The following OSBPL1A variants were observed in gnomAD, a reference collection of about 807,000 sequenced individuals.
The protein encoded by OSBPL1A is oxysterol binding protein like 1A, also known as oxysterol-binding protein-related protein 1.
A neutral mutation model predicts 137.1 loss-of-function variants in OSBPL1A; 80 were observed. The observed-to-expected ratio is 0.58, with a 90% CI of 0.49 to 0.70. The LOEUF (loss-of-function observed/expected upper bound fraction) is 0.70. Among genes scored for constraint, OSBPL1A ranks in the 30% least tolerant of loss-of-function variants. The pLI, the probability that OSBPL1A is intolerant of heterozygous loss-of-function variation, is 0.00. For synonymous variants in OSBPL1A, 365 were observed against 389.7 expected (o/e 0.94, Z 0.75); for missense variants, 970 against 1,129.4 (o/e 0.86, Z 2.02).
rs756427491 is a variant in OSBPL1A, at chr18:24,240,778, C to T, written c.1282-1396G>A. On this transcript the variant is annotated intron_variant, in intron 15 of 27. Coordinates refer to ENST00000319481, the MANE Select transcript of OSBPL1A (RefSeq NM_080597.4). ...TCCCAACATATAAAATAGATGTTTTCGAAAGCAGTTGTGCACTGGGTGACA... is the reference window on the plus strand; with the variant it reads ...TCCCAACATATAAAATAGATGTTTTTGAAAGCAGTTGTGCACTGGGTGACA... Among the ~76,000 whole-genome samples, 7 of 152,244 alleles carry T rather than the reference C, an allele frequency of 4.6e-5. 1 individual carries two copies. Among genetic ancestry groups the T allele is most frequent in the East Asian group, 1.9e-4 (1 of 5,186 alleles).
chr18:24,168,265 C>T (rs986280049), intron 24 of OSBPL1A, among the ~76,000 whole-genome samples: 2 of 152,102 alleles, frequency 1.3e-5, no homozygotes, highest in Admixed American at 1.3e-4. Flanking sequence ...CTACTGGAGG[C>T]CCAGCAACTG....
intron 4 of OSBPL1A, among the ~76,000 whole-genome samples, chr18:24,343,750 A>G (rs773800939): frequency 6.6e-6 from 1 of 152,232 alleles, no homozygotes; most frequent in South Asian, 2.1e-4. Context: ...TGGTATGGGG[A>G]AAACTGAATA....
chr18:24,216,326 T>C (rs1343211909), intron 17 of OSBPL1A, among the ~76,000 whole-genome samples: 1 of 152,146 alleles, frequency 6.6e-6, no homozygotes, highest in Non-Finnish European at 1.5e-5. Flanking sequence ...GGCAACACAG[T>C]GAAACCCTGT....
intron 5 of OSBPL1A, among the ~76,000 whole-genome samples, chr18:24,339,010 C>T (rs1360297411): frequency 6.6e-6 from 1 of 152,068 alleles, no homozygotes; most frequent in Non-Finnish European, 1.5e-5. Flanking sequence ...CTGCACCTGG[C>T]CCTCCCAGGC....
chr18:24,385,115 C>T (rs577997362), intron 1 of OSBPL1A, among the ~76,000 whole-genome samples: 30 of 151,896 alleles, frequency 2.0e-4, no homozygotes, highest in African/African-American at 5.8e-4. Flanking sequence ...CCACCACACC[C>T]GGCTAATTTT....
At chr18:24,309,412 G>A (rs1311657333) in intron 13 of OSBPL1A, among the ~76,000 whole-genome samples, 2 of 152,060 alleles carry the variant, frequency 1.3e-5, no homozygotes, top group East Asian at 3.9e-4. Flanking sequence ...TCAAACCCTT[G>A]GGCACAAGTG....
chr18:24,217,610 T>C (rs568026214), intron 17 of OSBPL1A, among the ~76,000 whole-genome samples: 47 of 152,234 alleles, frequency 3.1e-4, no homozygotes, highest in African/African-American at 1.1e-3. Flanking sequence ...AGTGACAGAA[T>C]TGAAAGACTA....
chr18:24,219,929 C>T (rs569099206), intron 17 of OSBPL1A, among the ~76,000 whole-genome samples: 30 of 152,306 alleles, frequency 2.0e-4, no homozygotes, highest in African/African-American at 6.5e-4. Context: ...CTTGTTAGTC[C>T]TGGATGAGGT....
At chr18:24,284,533 A>C (rs1488799054) in intron 14 of OSBPL1A, among the ~76,000 whole-genome samples, 1 of 152,146 alleles carries the variant, frequency 6.6e-6, no homozygotes, top group African/African-American at 2.4e-5. Flanking sequence ...AACAATTTTT[A>C]ATTGGGTAAG....
intron 15 of OSBPL1A, among the ~76,000 whole-genome samples, chr18:24,274,834 G>A (rs1164736766): frequency 4.0e-5 from 6 of 151,808 alleles, no homozygotes; most frequent in South Asian, 2.1e-4. Context: ...GCTTGAACCC[G>A]GGAGGCTGAG....
At chr18:24,261,858 T>TAA (rs1454535743) in intron 15 of OSBPL1A, among the ~76,000 whole-genome samples, 1 of 151,956 alleles carries the variant, frequency 6.6e-6, no homozygotes, top group Non-Finnish European at 1.5e-5. Context: ...TCTCAAAAAA[T>TAA]AAAAAATTTT....
At chr18:24,353,149 G>A (rs150531943) in intron 4 of OSBPL1A, among the ~76,000 whole-genome samples, 18,056 of 152,090 alleles carry the variant, frequency 0.12, 1,365 homozygotes, top group African/African-American at 0.22. Context: ...AATGGGAGAA[G>A]ATTTTTGCAA....
chr18:24,390,189 CAG>C (rs1907224394), intron 1 of OSBPL1A, among the ~76,000 whole-genome samples: 1 of 152,126 alleles, frequency 6.6e-6, no homozygotes, highest in Non-Finnish European at 1.5e-5. Flanking sequence ...CTTAAAACAT[CAG>C]AGAAGTATGG....
intron 17 of OSBPL1A, among the ~76,000 whole-genome samples, chr18:24,209,682 CAG>C: frequency 6.6e-6 from 1 of 152,272 alleles, no homozygotes; most frequent in South Asian, 2.1e-4. Context: ...TTCAAACTAA[CAG>C]AGCATTCACC....
At chr18:24,194,271 T>A (rs886729797) in intron 18 of OSBPL1A, among the ~76,000 whole-genome samples, 1 of 152,232 alleles carries the variant, frequency 6.6e-6, no homozygotes, top group African/African-American at 2.4e-5. Context: ...GTTTTTCAAA[T>A]GGTGGGTCTG....
chr18:24,358,092 G>A (rs140884284), intron 4 of OSBPL1A: 158 of 250,322 alleles, frequency 6.3e-4, no homozygotes, highest in African/African-American at 3.4e-3. Flanking sequence ...CATTGGGGAT[G>A]TACGTGGAAG....
At chr18:24,311,830 G>A (rs1164093660) in intron 13 of OSBPL1A, among the ~76,000 whole-genome samples, 154 bp downstream of exon 13, 2 of 152,204 alleles carry the variant, frequency 1.3e-5, no homozygotes, top group African/African-American at 4.8e-5. Context: ...AGAGACATAA[G>A]CTACCAACAC....
At chr18:24,312,638 C>G (rs776487165) in intron 12 of OSBPL1A, among the ~76,000 whole-genome samples, 4 of 152,114 alleles carry the variant, frequency 2.6e-5, no homozygotes, top group Non-Finnish European at 5.9e-5. Flanking sequence ...TAAAAATACC[C>G]TATCTTACTT....
intron 20 of OSBPL1A, among the ~76,000 whole-genome samples, chr18:24,178,492 C>T (rs187459817): frequency 3.3e-5 from 5 of 151,960 alleles, no homozygotes; most frequent in African/African-American, 9.7e-5. Context: ...GGGGTTTCAT[C>T]ATGTTGGCCA....
Sources: gnomAD v4.1 joint callset for allele counts (sites outside exome capture counted in the v4.1 genomes callset) on GRCh38, gnomAD v4.1.1 for gene constraint, MANE v1.5 for transcripts, NCBI Gene and HGNC (gene_info 2026-07-23, HGNC 2026-07-21) for gene names.